Variants in PRIMA1 observed in about 807,000 individuals in gnomAD.
The protein encoded by PRIMA1 is proline-rich membrane anchor 1.
In PRIMA1, 7 loss-of-function variants were observed where a neutral mutation model predicts 17.5. That is an observed-to-expected ratio of 0.40 (90% CI 0.23 to 0.75). PRIMA1 has a LOEUF of 0.75. PRIMA1 is among the 30% of genes least tolerant of loss of function. PRIMA1 has a pLI of 0.37. For synonymous variants in PRIMA1, 97 were observed against 77.9 expected (o/e 1.25, Z -1.29); for missense variants, 200 against 201.8 (o/e 0.99, Z 0.05).
Position 93,724,239 on chromosome 14 carries a change from C to T in PRIMA1, c.360-2693G>A, listed in dbSNP as rs193278815. Among the ~76,000 whole-genome samples, 7 of 152,298 alleles carry T rather than the reference C, an allele frequency of 4.6e-5. No homozygotes were observed. The East Asian group carries it at 1.4e-3, about 29-fold the overall frequency. ...TCAACTTGGGAAAGCCTTCCTCCACCCCCCTCTTAGAGATTCTGCAGAGTC... is the reference window on the plus strand; with the variant it reads ...TCAACTTGGGAAAGCCTTCCTCCACTCCCCTCTTAGAGATTCTGCAGAGTC... On this transcript the variant is annotated intron_variant, in intron 4 of 4. Coordinates refer to ENST00000393140, the MANE Select transcript of PRIMA1 (RefSeq NM_178013.4).
At position 93,757,528 on chromosome 14, in the gene PRIMA1, A is replaced by G. The variant is rs536144511; in HGVS notation, c.230-20158T>C. On this transcript the variant is annotated intron_variant, in intron 3 of 4. Coordinates refer to ENST00000393140, the MANE Select transcript of PRIMA1 (RefSeq NM_178013.4). ...GAAGAAAATCCTTCATGTATTTCTG[A>G]CTGTGAAGGAGTCCAGGGTTCCGGC... Among the ~76,000 whole-genome samples, 8 of 152,324 alleles carry G rather than the reference A, an allele frequency of 5.3e-5. No homozygotes were observed. In the South Asian group the frequency reaches 1.7e-3, roughly 32 times the overall value.
intron 3 of PRIMA1, among the ~76,000 whole-genome samples, chr14:93,740,187 C>G (rs556401406): frequency 6.6e-6 from 1 of 152,182 alleles, no homozygotes; most frequent in Admixed American, 6.5e-5. Flanking sequence ...AACCTCAACA[C>G]TGAAAAGATA....
At chr14:93,725,344 C>G (rs1204110183) in intron 4 of PRIMA1, among the ~76,000 whole-genome samples, 1 of 152,004 alleles carries the variant, frequency 6.6e-6, no homozygotes, top group Non-Finnish European at 1.5e-5. Context: ...GCCACCGGAG[C>G]TGAGTCCCCA....
In PRIMA1 at chr14:93,771,935, G is replaced by GA. The variant is rs374825336; in HGVS notation, c.229+7240dup. Reference sequence around the variant, plus strand: ...CACTAGGAAGTAATCAGATAGCCTTGAATAACCTCCCTTCCTCTCCAGCTG... The same window carrying GA: ...CACTAGGAAGTAATCAGATAGCCTTGAAATAACCTCCCTTCCTCTCCAGCTG... On this transcript the variant is annotated intron_variant, in intron 3 of 4. Coordinates refer to ENST00000393140, the MANE Select transcript of PRIMA1 (RefSeq NM_178013.4). Among the ~76,000 whole-genome samples, 314 of 152,318 alleles carry GA rather than the reference G, an allele frequency of 2.1e-3. 2 individuals carry two copies. Among genetic ancestry groups the GA allele is most frequent in the Middle Eastern group, 0.017 (5 of 294 alleles).
intron 3 of PRIMA1, among the ~76,000 whole-genome samples, chr14:93,764,387 C>G (rs893666954): frequency 6.6e-6 from 1 of 151,682 alleles, no homozygotes; most frequent in Admixed American, 6.6e-5. Flanking sequence ...CAGCCAGCCC[C>G]TCCCTGGGGA....
chr14:93,772,803 CAG>C (rs1157238453), intron 3 of PRIMA1, among the ~76,000 whole-genome samples: 1 of 152,224 alleles, frequency 6.6e-6, no homozygotes, highest in Non-Finnish European at 1.5e-5. Flanking sequence ...ATCTCATCCT[CAG>C]AGTGTCTAAT....
At chr14:93,733,482 G>A (rs930496336) in intron 4 of PRIMA1, among the ~76,000 whole-genome samples, 1 of 152,004 alleles carries the variant, frequency 6.6e-6, no homozygotes, top group African/African-American at 2.4e-5. Context: ...GGTGCCGCCC[G>A]TCCCTGCCGA....
chr14:93,783,592 T>C (rs769043708), intron 2 of PRIMA1, among the ~76,000 whole-genome samples: 1 of 152,228 alleles, frequency 6.6e-6, no homozygotes, highest in Non-Finnish European at 1.5e-5. Flanking sequence ...CTGGACTTCG[T>C]TAAGAAAGAG....
chr14:93,782,458 A>C (rs537696759), intron 2 of PRIMA1, among the ~76,000 whole-genome samples: 6 of 149,154 alleles, frequency 4.0e-5, no homozygotes, highest in Non-Finnish European at 8.9e-5. Context: ...ATCTCTACAA[A>C]TTTTTTTTTT....
intron 3 of PRIMA1, among the ~76,000 whole-genome samples, chr14:93,744,067 T>C (rs1002619598): frequency 5.3e-5 from 8 of 152,158 alleles, no homozygotes; most frequent in African/African-American, 1.4e-4. Context: ...TGTAGACCCT[T>C]TGGACAGAGG....
intron 4 of PRIMA1, among the ~76,000 whole-genome samples, chr14:93,722,674 G>A (rs913248244): frequency 2.7e-5 from 4 of 149,988 alleles, no homozygotes; most frequent in Non-Finnish European, 5.9e-5. Flanking sequence ...CGGTAATGAT[G>A]ATGGGGTGAT....
At chr14:93,745,740 C>T (rs937523064) in intron 3 of PRIMA1, among the ~76,000 whole-genome samples, 3 of 152,264 alleles carry the variant, frequency 2.0e-5, no homozygotes, top group African/African-American at 7.2e-5. Context: ...CTGCCAGCCC[C>T]TCCTTCCTGG....
At chr14:93,731,755 G>A (rs559012640) in intron 4 of PRIMA1, among the ~76,000 whole-genome samples, 1 of 152,250 alleles carries the variant, frequency 6.6e-6, no homozygotes, top group South Asian at 2.1e-4. Flanking sequence ...GGACTGTCTT[G>A]TTTCTTCTGC....
intron 3 of PRIMA1, among the ~76,000 whole-genome samples, chr14:93,758,016 G>T (rs1486797514): frequency 1.3e-5 from 2 of 152,176 alleles, no homozygotes; most frequent in Non-Finnish European, 2.9e-5. Flanking sequence ...CCTTTGTGAG[G>T]CTTCTCACTC....
At chr14:93,778,658 G>A (rs955386590) in intron 3 of PRIMA1, among the ~76,000 whole-genome samples, 1 of 152,206 alleles carries the variant, frequency 6.6e-6, no homozygotes, top group Non-Finnish European at 1.5e-5. Flanking sequence ...TTGTTTGAAC[G>A]ACGGCGCAAT....
intron 2 of PRIMA1, among the ~76,000 whole-genome samples, chr14:93,786,182 C>T (rs1309136918): frequency 6.6e-6 from 1 of 152,128 alleles, no homozygotes; most frequent in Admixed American, 6.5e-5. Flanking sequence ...TGAGGTTCAG[C>T]TAAAAGTTGA....
chr14:93,731,652 AT>A, intron 4 of PRIMA1, among the ~76,000 whole-genome samples: 1 of 151,774 alleles, frequency 6.6e-6, no homozygotes, highest in Non-Finnish European at 1.5e-5. Flanking sequence ...ATTAACCTGT[AT>A]TTTTTTTCTC....
chr14:93,784,193 T>C (rs1440456156), intron 2 of PRIMA1, among the ~76,000 whole-genome samples: 3 of 152,056 alleles, frequency 2.0e-5, no homozygotes, highest in Non-Finnish European at 4.4e-5. Context: ...AGAAAAACAA[T>C]TTGTAGTTCA....
chr14:93,767,020 G>A (rs1884909292), intron 3 of PRIMA1, among the ~76,000 whole-genome samples: 1 of 152,156 alleles, frequency 6.6e-6, no homozygotes, highest in South Asian at 2.1e-4. Flanking sequence ...CCCACTGATG[G>A]GCAGAGTGGC....
Sources: allele counts gnomAD v4.1 joint callset (sites outside exome capture counted in the v4.1 genomes callset), GRCh38; gene constraint gnomAD v4.1.1; transcripts MANE v1.5; gene names NCBI Gene and HGNC (gene_info 2026-07-23, HGNC 2026-07-21).